The following ANKRD11 variants were observed in gnomAD, a reference collection of about 807,000 sequenced individuals.
ANKRD11 encodes ankyrin repeat domain-containing protein 11.
In ANKRD11, 17 loss-of-function variants were observed where a neutral mutation model predicts 195.7. That is an observed-to-expected ratio of 0.09 (90% CI 0.06 to 0.13). The LOEUF (loss-of-function observed/expected upper bound fraction) is 0.13. Among genes scored for constraint, ANKRD11 ranks in the 10% least tolerant of loss-of-function variants. The pLI is 1.00. For synonymous variants in ANKRD11, 1,953 were observed against 1,528.1 expected (o/e 1.28, Z -6.49); for missense variants, 3,735 against 3,566.1 (o/e 1.05, Z -1.21).
chr16:89,433,548 G>A lies in ANKRD11; in HGVS notation c.-144-15180C>T, dbSNP rs79441551. 3.9e-3 allele frequency among the ~76,000 whole-genome samples: 601 copies of A among 152,362 alleles called. 2 individuals carry two copies. Among genetic ancestry groups the A allele is most frequent in the African/African-American group, 0.013 (560 of 41,586 alleles). The stretch of plus-strand genomic sequence containing the variant: ...GCCTCCCTAAAGGAGCAGCAGGAGC[G>A]CAACAGAGAAGAACAGGGTTGGACG... On this transcript the variant is annotated intron_variant, in intron 1 of 12. Transcript: ENST00000301030.
chr16:89,441,008 C>T (rs558962314), intron 1 of ANKRD11, among the ~76,000 whole-genome samples: 10 of 152,190 alleles, frequency 6.6e-5, no homozygotes, highest in Admixed American at 2.0e-4. Flanking sequence ...GAGGCCGAGG[C>T]GGGCAGATCA....
chr16:89,474,692 G>A (rs889090357), intron 1 of ANKRD11, among the ~76,000 whole-genome samples: 7 of 151,866 alleles, frequency 4.6e-5, no homozygotes, highest in South Asian at 2.1e-4. Flanking sequence ...GAGAGACTCC[G>A]AGACCAAGTT....
intron 1 of ANKRD11, among the ~76,000 whole-genome samples, chr16:89,475,965 G>C (rs971076205): frequency 1.3e-5 from 2 of 151,564 alleles, no homozygotes; most frequent in African/African-American, 2.4e-5. Flanking sequence ...GGCAGATGAA[G>C]TGCTTGAAAC....
intron 2 of ANKRD11, among the ~76,000 whole-genome samples, chr16:89,378,463 T>A (rs2040511615): frequency 2.0e-5 from 3 of 152,174 alleles, no homozygotes; most frequent in African/African-American, 7.2e-5. Context: ...AATCATGGCA[T>A]TGAAGCCTAA....
chr16:89,321,451 G>GGGAGCTGCGGGGCT (rs567613865), intron 2 of ANKRD11, among the ~76,000 whole-genome samples: 4,816 of 145,686 alleles, frequency 0.033, 339 homozygotes, highest in African/African-American at 0.12. Context: ...GGTGTGGGGC[G>GGGAGCTGCGGGGCT]GGAGCTGCGG....
intron 1 of ANKRD11, among the ~76,000 whole-genome samples, chr16:89,460,516 GC>G (rs1334892838): frequency 6.6e-6 from 1 of 152,124 alleles, no homozygotes; most frequent in Non-Finnish European, 1.5e-5. Flanking sequence ...CCAAGATAGT[GC>G]CATTGCACTC....
intron 2 of ANKRD11, among the ~76,000 whole-genome samples, chr16:89,393,805 C>T (rs2152131646): frequency 6.6e-6 from 1 of 152,240 alleles, no homozygotes; most frequent in South Asian, 2.1e-4. Context: ...TCGCATGAAA[C>T]AGGCTCTAAG....
rs547214583 is a variant in ANKRD11 at position 89,321,987 on chromosome 16, AC to A, written c.-59-4910del. 6.6e-5 allele frequency among the ~76,000 whole-genome samples: 10 copies of A among 152,304 alleles called. No individual in the cohort carries two copies. In the South Asian group the frequency reaches 2.1e-3, roughly 32 times the overall value. ...TTCTCCTCATGATCTCAGTATTTTC[AC>A]GTCTCTAGTTTGCTCTACCCTAACA... On this transcript the variant is annotated intron_variant, in intron 2 of 12. Transcript: ENST00000301030.
At chr16:89,435,799 C>CACACAA (rs2043190947) in intron 1 of ANKRD11, among the ~76,000 whole-genome samples, 1 of 122,824 alleles carries the variant, frequency 8.1e-6, no homozygotes, top group African/African-American at 3.7e-5. Flanking sequence ...CAGCTCTTCA[C>CACACAA]ACACACACAC....
intron 2 of ANKRD11, among the ~76,000 whole-genome samples, chr16:89,318,645 T>C (rs973235725): frequency 6.6e-6 from 1 of 152,222 alleles, no homozygotes; most frequent in African/African-American, 2.4e-5. Flanking sequence ...CACCTGCCCC[T>C]GGACGCAGGC....
At chr16:89,406,356 T>C (rs982045535) in intron 2 of ANKRD11, among the ~76,000 whole-genome samples, 4 of 151,980 alleles carry the variant, frequency 2.6e-5, no homozygotes, top group African/African-American at 7.3e-5. Context: ...AACCCACACC[T>C]GGGCCTCGGC....
At chr16:89,462,123 A>G (rs1351891717) in intron 1 of ANKRD11, among the ~76,000 whole-genome samples, 1 of 134,484 alleles carries the variant, frequency 7.4e-6, no homozygotes. Flanking sequence ...TCTCCCTCTC[A>G]TGCTGAGTCG....
rs1042762418 is a variant in ANKRD11 at position 89,323,342 on chromosome 16, G to C, written c.-59-6264C>G. 2.3e-6 allele frequency: 3 copies of C among 1,288,722 alleles called. No homozygotes were observed. In the Admixed American group the frequency reaches 6.9e-5, roughly 30 times the overall value. 79.8% of individuals were successfully genotyped at this position (1,288,722 alleles called of 1,614,324 possible). On this transcript the variant is annotated intron_variant, in intron 2 of 12. Transcript: ENST00000301030. The stretch of plus-strand genomic sequence containing the variant: ...CACTGTGGCAATCCCAGGTATGGAA[G>C]AGAAGCACCACTGGCCTCTCACCTC...
intron 2 of ANKRD11, among the ~76,000 whole-genome samples, chr16:89,326,874 C>A (rs1450469197): frequency 6.6e-6 from 1 of 152,238 alleles, no homozygotes; most frequent in African/African-American, 2.4e-5. Context: ...CTGCTGGTGG[C>A]ATCCGGGCAC....
intron 1 of ANKRD11, among the ~76,000 whole-genome samples, chr16:89,473,621 G>A (rs939808799): frequency 2.0e-5 from 3 of 152,188 alleles, no homozygotes; most frequent in African/African-American, 4.8e-5. Context: ...GAGAAGAGAC[G>A]CACCGCTCTC....
chr16:89,339,030 C>T (rs1180258127), intron 2 of ANKRD11, among the ~76,000 whole-genome samples: 3 of 152,106 alleles, frequency 2.0e-5, no homozygotes, highest in Non-Finnish European at 2.9e-5. Context: ...ATGATGAGTC[C>T]ATCTGCTCGT....
intron 2 of ANKRD11, among the ~76,000 whole-genome samples, chr16:89,417,033 A>G (rs746370135): frequency 6.6e-6 from 1 of 152,134 alleles, no homozygotes; most frequent in Non-Finnish European, 1.5e-5. Flanking sequence ...CTTCATTCTA[A>G]CTACAAACCA....
chr16:89,415,801 C>T (rs2042275376), intron 2 of ANKRD11, among the ~76,000 whole-genome samples: 1 of 116,296 alleles, frequency 8.6e-6, no homozygotes, highest in Non-Finnish European at 1.8e-5. Flanking sequence ...ACACTCCAGG[C>T]CCTGCACAAC....
intron 1 of ANKRD11, among the ~76,000 whole-genome samples, chr16:89,419,816 G>T (rs1007001468): frequency 6.6e-5 from 10 of 151,174 alleles, no homozygotes; most frequent in Non-Finnish European, 4.4e-5. Context: ...ATGGAGTGAG[G>T]TTTTTCCTCC....
Sources: allele counts gnomAD v4.1 joint callset (sites outside exome capture counted in the v4.1 genomes callset), GRCh38; gene constraint gnomAD v4.1.1; transcripts MANE v1.5; gene names NCBI Gene and HGNC (gene_info 2026-07-23, HGNC 2026-07-21).